PACRGL: variants seen among roughly 807,000 people sequenced by gnomAD.
PACRGL encodes the protein PACRG-like protein.
PACRGL carries 38 observed loss-of-function variants against 34.5 expected under a neutral mutation model. The ratio of observed to expected loss-of-function variants is 1.10; its 90% CI spans 0.85 to 1.44. PACRGL has a LOEUF of 1.44. Among genes scored for constraint, PACRGL ranks in the 40% most tolerant of loss-of-function variants. The probability of loss-of-function intolerance (pLI) is 0.00; values close to 1 mark genes in which losing one functional copy is unlikely to be tolerated. For synonymous variants in PACRGL, 128 were observed against 100.1 expected, an observed-to-expected ratio of 1.28 and a Z score of -1.66; for missense variants, 305 against 281.4, an observed-to-expected ratio of 1.08 and a Z score of -0.60.
In PACRGL at chr4:20,731,896, C is replaced by T. The variant is rs1748344972; in HGVS notation, c.*4555C>T. 1.3e-6 allele frequency: 2 copies of T among 1,494,702 alleles called. No individual in the cohort carries two copies. The highest frequency in any genetic ancestry group is 8.9e-7 in the Non-Finnish European group (1 of 1,120,956). 92.6% of individuals were successfully genotyped at this position (1,494,702 alleles called of 1,614,324 possible). A position where few individuals can be genotyped will look rare whatever the true frequency, so the allele number is the denominator to read the frequency against. ...TGCTGCATGTTGTAGAAGTGGTAAA[C>T]TTAGGCATATGATCTCTATATTTCG... On this transcript the variant is annotated 3_prime_UTR_variant, in exon 9 of 9. Transcript: ENST00000503585.
chr4:20,712,827 A>G lies in PACRGL; in HGVS notation c.406A>G (p.Lys136Glu), dbSNP rs773945024. The G allele has an allele frequency of 1.4e-5, 23 of 1,597,376 alleles. No individual in the cohort carries two copies. The highest frequency in any genetic ancestry group is 2.0e-5 in the Non-Finnish European group (23 of 1,170,138). The change falls in exon 6 of 9, where the codon AAG becomes GAG. Residue 136 changes from lysine (K) to glutamate (E), a missense_variant. Physicochemically the swap from Lys to Glu is moderately conservative, Grantham distance 56 (BLOSUM62 1). Coordinates refer to ENST00000503585, the MANE Select transcript of PACRGL (RefSeq NM_001258345.3). ...ETKHPYTFVS[K>E]EGFRELLLVK... ...TAAGCATCCATACACTTTTGTGTCA[A>G]AGGAGGGTTTTAGAGAATTACTTTT...
At position 20,729,323 on chromosome 4, in the gene PACRGL, C is replaced by G. The variant is rs1473894997; in HGVS notation, c.*1982C>G. On this transcript the variant is annotated 3_prime_UTR_variant, in exon 9 of 9. Coordinates refer to ENST00000503585, the MANE Select transcript of PACRGL (RefSeq NM_001258345.3). ...TTCAACTTCCACTTAATGATTGATA[C>G]TAATGATTGATACAATAGAAAACAG... 4 of 151,230 alleles carry G rather than the reference C, an allele frequency of 2.6e-5. No homozygotes were observed. The highest frequency in any genetic ancestry group is 9.7e-5 in the African/African-American group (4 of 41,158). The allele number at this position is 151,230 out of a possible 1,614,324, so 9.4% of individuals were successfully genotyped here. A position where few individuals can be genotyped will look rare whatever the true frequency, so the allele number is the denominator to read the frequency against.
intron 8 of PACRGL, among the ~76,000 whole-genome samples, chr4:20,738,581 G>C (rs1750268854): frequency 6.6e-6 from 1 of 152,156 alleles, no homozygotes; most frequent in African/African-American, 2.4e-5. Flanking sequence ...CAAAACAGCA[G>C]AGAAACAATG....
chr4:20,716,197 G>A, intron 7 of PACRGL: 1 of 1,028,022 alleles, frequency 9.7e-7, no homozygotes. Flanking sequence ...GCTGTTACTG[G>A]CTGTTATGGT....
chr4:20,760,884 T>C, the PACRGL span, among the ~76,000 whole-genome samples: 1 of 152,202 alleles, frequency 6.6e-6, no homozygotes, highest in Non-Finnish European at 1.5e-5. Context: ...GTTGATTTTA[T>C]GTGTTTAACT....
intron 8 of PACRGL, 81 bp from the exon 9 acceptor site, chr4:20,727,204 T>C: frequency 1.6e-6 from 2 of 1,245,584 alleles, no homozygotes; most frequent in Non-Finnish European, 2.3e-6. Context: ...AGATACTTTC[T>C]AGGCATATTC....
chr4:20,745,659 T>C (rs1213919724), intron 8 of PACRGL, among the ~76,000 whole-genome samples: 1 of 152,190 alleles, frequency 6.6e-6, no homozygotes. Context: ...GTTTCCATTC[T>C]CTTATTATCA....
chr4:20,735,041 CAT>C (rs1377614655), downstream of PACRGL, among the ~76,000 whole-genome samples: 1 of 152,136 alleles, frequency 6.6e-6, no homozygotes, highest in African/African-American at 2.4e-5. Flanking sequence ...TGCAAGTGCA[CAT>C]GATTTACTAA....
At chr4:20,705,581 G>A (rs973136561) in intron 3 of PACRGL, among the ~76,000 whole-genome samples, 3 of 152,026 alleles carry the variant, frequency 2.0e-5, no homozygotes, top group African/African-American at 7.2e-5. Flanking sequence ...ACAGTGTCAA[G>A]GAAATTGAAT....
intron 7 of PACRGL, among the ~76,000 whole-genome samples, chr4:20,723,098 A>G (rs1744116965): frequency 6.6e-6 from 1 of 152,196 alleles, no homozygotes; most frequent in South Asian, 2.1e-4. Flanking sequence ...TAGGTGGTAG[A>G]TGAAATTCCG....
chr4:20,764,972 G>A, the PACRGL span, among the ~76,000 whole-genome samples: 4 of 152,140 alleles, frequency 2.6e-5, no homozygotes, highest in African/African-American at 9.7e-5. Context: ...ACCCTGAAAG[G>A]TGGGTATTAT....
downstream of PACRGL, among the ~76,000 whole-genome samples, chr4:20,737,538 G>A (rs973884400): frequency 1.3e-5 from 2 of 152,060 alleles, no homozygotes; most frequent in African/African-American, 2.4e-5. Context: ...TGAGACAGAA[G>A]AACATGGTGT....
Position 20,707,822 on chromosome 4 carries a change from T to G in PACRGL, c.227T>G (p.Val76Gly). 5 of 1,613,936 alleles carry G rather than the reference T, an allele frequency of 3.1e-6. No individual in the cohort carries two copies. The highest frequency in any genetic ancestry group is 4.2e-6 in the Non-Finnish European group (5 of 1,179,798). ...TTTTAGTTTGGTGAACAGTCACGAG[T>G]GCCTTCTGCATTTGCAGCTATTTAC... ...TINPFGEQSR[V>G]PSAFAAIYSK... is the part of the protein sequence containing the mutation. Residue 76 changes from valine (V) to glycine (G), a missense_variant, in exon 4 of 9, where the codon GTG (valine) becomes GGG (glycine). Coordinates refer to ENST00000503585, the MANE Select transcript of PACRGL (RefSeq NM_001258345.3).
At chr4:20,765,256 C>A in the PACRGL span, among the ~76,000 whole-genome samples, 1 of 152,068 alleles carries the variant, frequency 6.6e-6, no homozygotes, top group Non-Finnish European at 1.5e-5. Flanking sequence ...TGCTATCTTG[C>A]CTTCTGGATT....
At chr4:20,758,923 A>G in the PACRGL span, 1 of 1,575,046 alleles carries the variant, frequency 6.3e-7, no homozygotes, top group Non-Finnish European at 8.7e-7. Flanking sequence ...AATATGAGCA[A>G]AGTGTTCATA....
chr4:20,744,162 G>A (rs917006129), intron 8 of PACRGL, among the ~76,000 whole-genome samples: 1 of 152,108 alleles, frequency 6.6e-6, no homozygotes, highest in African/African-American at 2.4e-5. Flanking sequence ...TGCACTGTTG[G>A]TGGGACTGTA....
intron 8 of PACRGL, among the ~76,000 whole-genome samples, chr4:20,742,915 A>G (rs1294334149): frequency 6.6e-6 from 1 of 152,110 alleles, no homozygotes; most frequent in Non-Finnish European, 1.5e-5. Context: ...ATTCCTATAC[A>G]CCAATAATAG....
downstream of PACRGL, among the ~76,000 whole-genome samples, chr4:20,753,198 CT>C (rs1284549395): frequency 1.3e-5 from 2 of 152,084 alleles, no homozygotes; most frequent in Non-Finnish European, 2.9e-5. Context: ...AAAATAGGGA[CT>C]TGTAGTGACA....
At chr4:20,765,828 C>T in the PACRGL span, among the ~76,000 whole-genome samples, 28 of 152,258 alleles carry the variant, frequency 1.8e-4, no homozygotes, top group African/African-American at 6.3e-4. Flanking sequence ...AAGAAACAGT[C>T]GCCTTTTGGG....
Sources: gnomAD v4.1 joint callset for allele counts (sites outside exome capture counted in the v4.1 genomes callset) on GRCh38, gnomAD v4.1.1 for gene constraint, MANE v1.5 for transcripts, NCBI Gene and HGNC (gene_info 2026-07-23, HGNC 2026-07-21) for gene names.